PRKCA: variants seen among roughly 807,000 people sequenced by gnomAD.
PRKCA encodes the protein protein kinase C alpha type.
PRKCA carries 27 observed loss-of-function variants against 87.0 expected under a neutral mutation model. That is an observed-to-expected ratio of 0.31 (90% CI 0.23 to 0.43). The LOEUF (loss-of-function observed/expected upper bound fraction) is 0.43, where lower values mean the gene tolerates loss of function less well. Ranked by LOEUF, PRKCA falls within the 20% of genes least tolerant of loss-of-function variation. The pLI is 1.00. For missense variants in PRKCA, 518 were observed against 852.3 expected (o/e 0.61, Z 4.88); for synonymous variants, 329 against 311.1 (o/e 1.06, Z -0.61).
At chr17:66,798,013 G>A (rs1016174751) in intron 16 of PRKCA, among the ~76,000 whole-genome samples, 46 of 152,362 alleles carry the variant, frequency 3.0e-4, no homozygotes, top group African/African-American at 8.7e-4. Flanking sequence ...ACACCTGCCC[G>A]CTGTCACAGA....
Position 66,808,322 on chromosome 17 carries a change from G to GTT in PRKCA, c.*4298_*4299dup, listed in dbSNP as rs3053460. ...GAGGGTTTTTTTTGTTTTTGTTCCT[G>GTT]TTTTTTTTTTTTTTGCTGGAATTTG... is the stretch of plus-strand genomic sequence containing the variant. On this transcript the variant is annotated 3_prime_UTR_variant, in exon 17 of 17. Coordinates refer to ENST00000413366, the MANE Select transcript of PRKCA (RefSeq NM_002737.3). 5,036 of 131,230 alleles carry GTT rather than the reference G, an allele frequency of 0.038. 155 individuals carry two copies. The highest frequency in any genetic ancestry group is 0.056 in the Middle Eastern group (15 of 268). The allele number at this position is 131,230 out of a possible 1,614,324, so 8.1% of individuals were successfully genotyped here. A position where few individuals can be genotyped will look rare whatever the true frequency, so the allele number is the denominator to read the frequency against.
chr17:66,641,332 CA>C (rs746267286), intron 3 of PRKCA, 22 bp from the exon 4 acceptor site: 75 of 1,559,996 alleles, frequency 4.8e-5, no homozygotes, highest in Non-Finnish European at 6.1e-5. Context: ...CTAAAATGAG[CA>C]TTGTGCTTCT....
intron 3 of PRKCA, among the ~76,000 whole-genome samples, chr17:66,613,371 A>G (rs1292824576): frequency 2.6e-5 from 4 of 152,226 alleles, no homozygotes; most frequent in South Asian, 4.1e-4. Flanking sequence ...TCTCAGCATT[A>G]TAAATACTTT....
At chr17:66,437,805 C>T (rs1437714654) in intron 2 of PRKCA, among the ~76,000 whole-genome samples, 1 of 145,450 alleles carries the variant, frequency 6.9e-6, no homozygotes, top group Non-Finnish European at 1.5e-5. Flanking sequence ...TTTCCTTAGA[C>T]AGTTCAAACC....
intron 2 of PRKCA, among the ~76,000 whole-genome samples, chr17:66,337,555 A>ATT (rs796605646): frequency 7.0e-6 from 1 of 143,356 alleles, no homozygotes; most frequent in African/African-American, 2.5e-5. Flanking sequence ...ATGGCCAGCT[A>ATT]TTTTTTTTTT....
intron 3 of PRKCA, among the ~76,000 whole-genome samples, chr17:66,542,786 T>G (rs2143144966): frequency 6.6e-6 from 1 of 152,312 alleles, no homozygotes; most frequent in African/African-American, 2.4e-5. Flanking sequence ...AAAGTACAGA[T>G]TAATGCTTTT....
chr17:66,308,607 C>T (rs1157972884), intron 2 of PRKCA, among the ~76,000 whole-genome samples: 2 of 152,042 alleles, frequency 1.3e-5, no homozygotes, highest in Non-Finnish European at 2.9e-5. Flanking sequence ...TCACAGAGAC[C>T]TTTTCCAATA....
At chr17:66,534,553 G>A (rs1218549425) in intron 3 of PRKCA, among the ~76,000 whole-genome samples, 1 of 152,154 alleles carries the variant, frequency 6.6e-6, no homozygotes, top group African/African-American at 2.4e-5. Context: ...TGTAGTCCCA[G>A]CTACTCGGGA....
intron 8 of PRKCA, among the ~76,000 whole-genome samples, chr17:66,717,638 T>C (rs1973510073): frequency 6.6e-6 from 1 of 152,230 alleles, no homozygotes. Context: ...ACGTACGGGA[T>C]GATCCAGCAT....
intron 3 of PRKCA, among the ~76,000 whole-genome samples, chr17:66,497,220 G>A (rs1466006165): frequency 1.3e-5 from 2 of 152,084 alleles, no homozygotes; most frequent in Non-Finnish European, 2.9e-5. Flanking sequence ...TCCACAGGCC[G>A]GGCACGGTGG....
At chr17:66,728,201 C>T (rs934130966) in intron 8 of PRKCA, among the ~76,000 whole-genome samples, 3 of 152,158 alleles carry the variant, frequency 2.0e-5, no homozygotes, top group Admixed American at 1.3e-4. Context: ...GGAGCAAGGG[C>T]GTGAAGATGC....
At chr17:66,346,659 C>T (rs1598606703) in intron 2 of PRKCA, among the ~76,000 whole-genome samples, 1 of 152,110 alleles carries the variant, frequency 6.6e-6, no homozygotes, top group South Asian at 2.1e-4. Context: ...TCCTATGATA[C>T]TGGAAATCCA....
intron 2 of PRKCA, among the ~76,000 whole-genome samples, chr17:66,407,390 G>T (rs9674466): frequency 6.6e-6 from 1 of 151,828 alleles, no homozygotes; most frequent in Non-Finnish European, 1.5e-5. Flanking sequence ...ACTTGTGCCT[G>T]CAAGAAAGCT....
At chr17:66,680,167 C>T (rs558521851) in intron 5 of PRKCA, among the ~76,000 whole-genome samples, 30 of 152,318 alleles carry the variant, frequency 2.0e-4, no homozygotes, top group African/African-American at 6.5e-4. Flanking sequence ...CCTGCCCTTC[C>T]ACCAACATTT....
intron 2 of PRKCA, among the ~76,000 whole-genome samples, chr17:66,402,301 G>A (rs1048632803): frequency 2.6e-5 from 4 of 152,058 alleles, no homozygotes; most frequent in Non-Finnish European, 4.4e-5. Context: ...GGAGCTTGGT[G>A]GTTGTGGGAA....
intron 2 of PRKCA, among the ~76,000 whole-genome samples, chr17:66,466,088 A>G (rs1268156158): frequency 6.6e-6 from 1 of 152,214 alleles, no homozygotes; most frequent in Non-Finnish European, 1.5e-5. Context: ...CAAGTGCACC[A>G]GCAGCTGTTT....
chr17:66,575,354 G>A (rs181857212), intron 3 of PRKCA, among the ~76,000 whole-genome samples: 4 of 152,308 alleles, frequency 2.6e-5, no homozygotes, highest in East Asian at 1.9e-4. Flanking sequence ...CGCGGTGGGC[G>A]GATCACCTGA....
intron 3 of PRKCA, among the ~76,000 whole-genome samples, chr17:66,576,049 G>A (rs925501162): frequency 2.6e-5 from 4 of 152,184 alleles, no homozygotes; most frequent in Non-Finnish European, 5.9e-5. Flanking sequence ...GGGAGGTGGA[G>A]GTTGCAGTGA....
At chr17:66,539,812 T>C (rs1967918858) in intron 3 of PRKCA, among the ~76,000 whole-genome samples, 1 of 152,046 alleles carries the variant, frequency 6.6e-6, no homozygotes, top group Non-Finnish European at 1.5e-5. Flanking sequence ...AAGGGATGAG[T>C]TTCCTTGTTC....
Sources: gnomAD v4.1 joint callset for allele counts (sites outside exome capture counted in the v4.1 genomes callset) on GRCh38, gnomAD v4.1.1 for gene constraint, MANE v1.5 for transcripts, NCBI Gene and HGNC (gene_info 2026-07-23, HGNC 2026-07-21) for gene names.